ANKRD30B: variants seen among roughly 807,000 people sequenced by gnomAD.
ANKRD30B encodes the protein ankyrin repeat domain-containing protein 30B.
A neutral mutation model predicts 202.2 loss-of-function variants in ANKRD30B; 144 were observed. The ratio of observed to expected loss-of-function variants is 0.71; its 90% CI spans 0.62 to 0.82. The LOEUF (loss-of-function observed/expected upper bound fraction) is 0.82, where lower values mean the gene tolerates loss of function less well. Among genes scored for constraint, ANKRD30B ranks in the 40% least tolerant of loss-of-function variants. The pLI is 0.00. For synonymous variants in ANKRD30B, 508 were observed against 561.3 expected (o/e 0.91, Z 1.34); for missense variants, 1,487 against 1,669.1 (o/e 0.89, Z 1.90).
At chr18:14,799,442 T>G in intron 22 of ANKRD30B, 147 bp downstream of exon 22, 1 of 900,142 alleles carries the variant, frequency 1.1e-6, no homozygotes, top group South Asian at 2.2e-5. Context: ...GTATTCATGT[T>G]TGAGAAAATG....
At position 14,799,018 on chromosome 18, in the gene ANKRD30B, T is replaced by G. The variant is rs1018678363; in HGVS notation, c.2030-83T>G. On this transcript the variant is annotated intron_variant, in intron 20 of 43. Transcript: ENST00000690538. The stretch of plus-strand genomic sequence containing the variant: ...TCAATCCAAGCATCATGAGGATTCG[T>G]CTTCATATTCACACTCTATGAACGT... The G allele has an allele frequency of 3.8e-6, 5 of 1,301,872 alleles. No homozygotes were observed. The African/African-American group carries it at 5.8e-5, about 15-fold the overall frequency. 80.6% of individuals were successfully genotyped at this position (1,301,872 alleles called of 1,614,324 possible). A position where few individuals can be genotyped will look rare whatever the true frequency, so the allele number is the denominator to read the frequency against.
At chr18:14,820,292 A>G (rs1488910046) in intron 30 of ANKRD30B, among the ~76,000 whole-genome samples, 4 of 152,166 alleles carry the variant, frequency 2.6e-5, no homozygotes, top group Admixed American at 6.5e-5. Flanking sequence ...TAGATATACA[A>G]TCATGTCGTT....
chr18:14,757,603 A>T (rs1320662685), intron 4 of ANKRD30B, among the ~76,000 whole-genome samples: 1 of 152,100 alleles, frequency 6.6e-6, no homozygotes, highest in Non-Finnish European at 1.5e-5. Flanking sequence ...CCCTCAAGGG[A>T]CTTTATGTTA....
chr18:14,752,998 G>A lies in ANKRD30B; in HGVS notation c.496G>A (p.Glu166Lys), dbSNP rs762637500. The stretch of plus-strand genomic sequence containing the variant: ...ACTGCTGTCCTATGGTGCAGTCATC[G>A]AGGTGCAAAACAAGGTAGACATTAA... ...ATLLSYGAVI[E>K]VQNKASLTPL... The change falls in exon 3 of 44, where the codon GAG becomes AAG. Residue 166 changes from glutamate to lysine, a missense_variant. Glu to Lys is a moderately conservative substitution (Grantham distance 56, BLOSUM62 1). Coordinates refer to ENST00000690538, the MANE Select transcript of ANKRD30B (RefSeq NM_001367607.2). 92 of 1,594,134 alleles carry A rather than the reference G, an allele frequency of 5.8e-5. No homozygotes were observed. Among genetic ancestry groups the A allele is most frequent in the Non-Finnish European group, 7.4e-5 (87 of 1,170,606 alleles).
At chr18:14,902,861 A>G in the ANKRD30B span, among the ~76,000 whole-genome samples, 1 of 152,224 alleles carries the variant, frequency 6.6e-6, no homozygotes, top group Non-Finnish European at 1.5e-5. Context: ...AGAAGCTGCA[A>G]TCTCAGTTAT....
At chr18:14,798,440 A>C (rs1969073089) in intron 20 of ANKRD30B, among the ~76,000 whole-genome samples, 1 of 152,128 alleles carries the variant, frequency 6.6e-6, no homozygotes, top group South Asian at 2.1e-4. Context: ...TCTTTCCATA[A>C]CCTATGATTA....
At chr18:14,797,012 T>G (rs1266789030) in intron 18 of ANKRD30B, among the ~76,000 whole-genome samples, 1 of 152,158 alleles carries the variant, frequency 6.6e-6, no homozygotes, top group East Asian at 1.9e-4. Context: ...TAACCTATGA[T>G]TAGCAAGATA....
At position 14,852,286 on chromosome 18, in the gene ANKRD30B, G is replaced by C; in HGVS notation, c.4342G>C (p.Val1448Leu). 6.5e-7 allele frequency: 1 copy of C among 1,544,268 alleles called. No individual in the cohort carries two copies. Among genetic ancestry groups the C allele is most frequent in the Non-Finnish European group, 8.7e-7 (1 of 1,144,876 alleles). ...YAHKKVNKSKVTINIQFPEMK... is the reference protein window; with the variant it reads ...YAHKKVNKSKLTINIQFPEMK... Reference sequence around the variant, plus strand: ...ACATAAGAAAGTTAACAAAAGCAAGGTAACAATTAATATTCAGTTTCCTGA... The same window carrying C: ...ACATAAGAAAGTTAACAAAAGCAAGCTAACAATTAATATTCAGTTTCCTGA... The change falls in exon 42 of 44, where the codon GTA (valine) becomes CTA (leucine). Residue 1448 changes from valine (V) to leucine (L), a missense_variant. Physicochemically the swap from Val to Leu is conservative, Grantham distance 32 (BLOSUM62 1). Coordinates refer to ENST00000690538, the MANE Select transcript of ANKRD30B (RefSeq NM_001367607.2).
Position 14,791,500 on chromosome 18 carries a change from C to G in ANKRD30B, c.1825+9C>G. On this transcript the variant is annotated intron_variant, in intron 16 of 43. Transcript: ENST00000690538. ...AAGTGGAAAATTAGAAGGTAAGAAC[C>G]ATTTTTTAATTAAAAAGTCATTTGA... is the stretch of plus-strand genomic sequence containing the variant. 1 of 1,593,490 alleles carries G rather than the reference C, an allele frequency of 6.3e-7. No homozygotes were observed. Among genetic ancestry groups the G allele is most frequent in the Non-Finnish European group, 8.6e-7 (1 of 1,169,060 alleles).
chr18:14,921,686 G>C, the ANKRD30B span, among the ~76,000 whole-genome samples: 1 of 152,212 alleles, frequency 6.6e-6, no homozygotes, highest in South Asian at 2.1e-4. Flanking sequence ...AAGTGGACAA[G>C]TACACAGAGA....
chr18:14,763,188 C>G (rs1160116359), intron 6 of ANKRD30B, among the ~76,000 whole-genome samples: 1 of 152,042 alleles, frequency 6.6e-6, no homozygotes, highest in African/African-American at 2.4e-5. Context: ...CTTACTATGT[C>G]ATGCCATTAC....
intron 16 of ANKRD30B, among the ~76,000 whole-genome samples, chr18:14,793,711 G>A (rs564850237): frequency 1.2e-3 from 182 of 151,982 alleles, no homozygotes; most frequent in African/African-American, 4.1e-3. Flanking sequence ...TGGCTAACAC[G>A]GTGAAACCCC....
At chr18:14,823,742 G>A (rs1366822595) in intron 32 of ANKRD30B, among the ~76,000 whole-genome samples, 2 of 152,158 alleles carry the variant, frequency 1.3e-5, no homozygotes, top group African/African-American at 4.8e-5. Flanking sequence ...GGGAGACCAA[G>A]GTGGGCAGAT....
chr18:14,837,238 C>A lies in ANKRD30B; in HGVS notation c.2875C>A (p.Gln959Lys). ...GGGAGCAACAAAGACAGTAACTGGA[C>A]AACAGGAACGTGATATTGGCATTAT... ...KEGATKTVTG[Q>K]QERDIGIIER... The change falls in exon 35 of 44, where the codon CAA becomes AAA. Residue 959 changes from glutamine (Q) to lysine (K), a missense_variant. Gln to Lys is a moderately conservative substitution (Grantham distance 53). Transcript: ENST00000690538. The A allele has an allele frequency of 6.5e-7, 1 of 1,549,016 alleles. No individual in the cohort carries two copies. The highest frequency in any genetic ancestry group is 8.7e-7 in the Non-Finnish European group (1 of 1,145,776).
At position 14,789,597 on chromosome 18, in the gene ANKRD30B, C is replaced by A. The variant is rs532887222; in HGVS notation, c.1735-1804C>A. Among the ~76,000 whole-genome samples, 338 of 152,310 alleles carry A rather than the reference C, an allele frequency of 2.2e-3. 4 individuals are homozygous for A. Among genetic ancestry groups the A allele is most frequent in the African/African-American group, 7.9e-3 (328 of 41,564 alleles). Reference sequence around the variant, plus strand: ...GTGTAAGGAAGGGATCCAGTTTCAGCTTTCTCCATATGGCTAGCCAGTTTT... The same window carrying A: ...GTGTAAGGAAGGGATCCAGTTTCAGATTTCTCCATATGGCTAGCCAGTTTT... On this transcript the variant is annotated intron_variant, in intron 15 of 43. Coordinates refer to ENST00000690538, the MANE Select transcript of ANKRD30B (RefSeq NM_001367607.2).
chr18:14,755,578 G>A (rs1914210349), intron 4 of ANKRD30B, among the ~76,000 whole-genome samples: 1 of 151,762 alleles, frequency 6.6e-6, no homozygotes, highest in Non-Finnish European at 1.5e-5. Flanking sequence ...AACAGTCCCT[G>A]GTGTGTGATG....
At chr18:14,928,494 C>T in the ANKRD30B span, among the ~76,000 whole-genome samples, 1 of 152,254 alleles carries the variant, frequency 6.6e-6, no homozygotes, top group African/African-American at 2.4e-5. Context: ...AAGGAGAACA[C>T]ATTTTCTCTG....
the ANKRD30B span, among the ~76,000 whole-genome samples, chr18:14,929,803 ATG>A: frequency 1.3e-5 from 2 of 151,910 alleles, no homozygotes; most frequent in African/African-American, 4.8e-5. Context: ...GTGTGTGTGT[ATG>A]TGTGTGTGCA....
chr18:14,796,144 T>C, intron 16 of ANKRD30B, 77 bp from the exon 17 acceptor site: 1 of 1,395,736 alleles, frequency 7.2e-7, no homozygotes, highest in Non-Finnish European at 1.0e-6. Flanking sequence ...TTCATCTTCA[T>C]ATTCACATTG....
Sources: allele counts gnomAD v4.1 joint callset (sites outside exome capture counted in the v4.1 genomes callset), GRCh38; gene constraint gnomAD v4.1.1; transcripts MANE v1.5; gene names NCBI Gene and HGNC (gene_info 2026-07-23, HGNC 2026-07-21).